The following MXI1 variants were observed in gnomAD, a reference collection of about 807,000 sequenced individuals.
The protein encoded by MXI1 is max-interacting protein 1.
A neutral mutation model predicts 36.9 loss-of-function variants in MXI1; 18 were observed. The ratio of observed to expected loss-of-function variants is 0.49; its 90% CI spans 0.34 to 0.72. The LOEUF (loss-of-function observed/expected upper bound fraction) is 0.72. MXI1 is among the 30% of genes least tolerant of loss of function. The pLI, the probability that MXI1 is intolerant of heterozygous loss-of-function variation, is 0.01. For synonymous variants in MXI1, 160 were observed against 146.7 expected (o/e 1.09, Z -0.65); for missense variants, 304 against 379.1 (o/e 0.80, Z 1.64).
chr10:110,248,620 C>T (rs905334923), intron 3 of MXI1, among the ~76,000 whole-genome samples: 7 of 152,092 alleles, frequency 4.6e-5, no homozygotes, highest in Non-Finnish European at 8.8e-5. Context: ...TCTTACCCTA[C>T]CTTACTTCAC....
chr10:110,208,168 G>T, intron 1 of MXI1, 86 bp downstream of exon 1: 3 of 1,387,572 alleles, frequency 2.2e-6, no homozygotes, highest in Non-Finnish European at 2.9e-6. Context: ...AGCTCGGCCC[G>T]TCCCCCCCCC....
At chr10:110,222,515 C>T (rs1302669455) in intron 1 of MXI1, among the ~76,000 whole-genome samples, 1 of 152,200 alleles carries the variant, frequency 6.6e-6, no homozygotes, top group Non-Finnish European at 1.5e-5. Context: ...GAATTGAGGG[C>T]TTTGCCTGCT....
chr10:110,210,348 C>G lies in MXI1; in HGVS notation c.274+2266C>G, dbSNP rs914057070. On this transcript the variant is annotated intron_variant, in intron 1 of 5. Coordinates refer to ENST00000332674, the MANE Select transcript of MXI1 (RefSeq NM_130439.3). ...ATAAGTCCCTCGGCCCCGCAGCCCC[C>G]CTCCTCCGGCCGGCTCCCGGCGGGA... 8 of 933,844 alleles carry G rather than the reference C, an allele frequency of 8.6e-6. No homozygotes were observed. The African/African-American group carries it at 1.4e-4, about 17-fold the overall frequency. 57.8% of individuals were successfully genotyped at this position (933,844 alleles called of 1,614,324 possible).
rs191835438 is a variant in MXI1, at chr10:110,233,404, T to A, written c.407+5083T>A. 3.9e-5 allele frequency among the ~76,000 whole-genome samples: 6 copies of A among 152,210 alleles called. No homozygotes were observed. The East Asian group carries it at 1.2e-3, about 29-fold the overall frequency. Reference sequence around the variant, plus strand: ...CCTAGGATAGTTTCAAAGGATTTTTTCCAGTAGTAATTTGAGATGCTTTAT... The same window carrying A: ...CCTAGGATAGTTTCAAAGGATTTTTACCAGTAGTAATTTGAGATGCTTTAT... On this transcript the variant is annotated intron_variant, in intron 2 of 5. Transcript: ENST00000332674.
rs181213540 is a variant in MXI1 at position 110,257,820 on chromosome 10, C to A, written c.437+12963C>A. 429 of 353,306 alleles carry A rather than the reference C, an allele frequency of 1.2e-3. 8 individuals carry two copies. Among genetic ancestry groups the A allele is most frequent in the Admixed American group, 0.012 (412 of 34,050 alleles). The allele number at this position is 353,306 out of a possible 1,614,324, so 21.9% of individuals were successfully genotyped here. On this transcript the variant is annotated intron_variant, in intron 3 of 5. Coordinates refer to ENST00000332674, the MANE Select transcript of MXI1 (RefSeq NM_130439.3). ...TGGAAAGATGCCTGAGCTGCTGGAA[C>A]CTATTCCCTGTGAATTCATGGCATA...
intron 1 of MXI1, among the ~76,000 whole-genome samples, chr10:110,215,952 C>T (rs114000182): frequency 0.012 from 1,874 of 152,318 alleles, 36 homozygotes; most frequent in African/African-American, 0.043. Flanking sequence ...CACCTGCTCT[C>T]TGGCTCTTCT....
intron 3 of MXI1, chr10:110,245,897 T>G (rs1855844128): frequency 6.6e-6 from 1 of 152,098 alleles, no homozygotes; most frequent in Non-Finnish European, 1.5e-5. Flanking sequence ...AATTGGTGAT[T>G]AGTTAGCTAT....
intron 2 of MXI1, among the ~76,000 whole-genome samples, chr10:110,239,571 A>G (rs1855593809): frequency 1.3e-5 from 2 of 152,244 alleles, no homozygotes; most frequent in Admixed American, 1.3e-4. Flanking sequence ...CTGATTTCTA[A>G]TTAAATTTCA....
At position 110,278,698 on chromosome 10, in the gene MXI1, T is replaced by TAG. The variant is rs1464643309; in HGVS notation, c.438-481_438-480dup. 2.5e-5 allele frequency among the ~76,000 whole-genome samples: 3 copies of TAG among 119,898 alleles called. No individual in the cohort carries two copies. The East Asian group carries it at 9.4e-4, about 38-fold the overall frequency. 78.7% of individuals were successfully genotyped at this position (119,898 alleles called of 152,430 possible). ...TAGGATGGCTACAGTTGTAGAGAGGTAGGGTGTGTGTGTGTGTGTGTGTGT... is the reference window on the plus strand; with the variant it reads ...TAGGATGGCTACAGTTGTAGAGAGGTAGAGGGTGTGTGTGTGTGTGTGTGTGT... On this transcript the variant is annotated intron_variant, in intron 3 of 5. Coordinates refer to ENST00000332674, the MANE Select transcript of MXI1 (RefSeq NM_130439.3).
Position 110,287,082 on chromosome 10 carries a change from G to C in MXI1, c.*2095G>C, listed in dbSNP as rs1158515600. 1 of 152,200 alleles carries C rather than the reference G, an allele frequency of 6.6e-6. No homozygotes were observed. The highest frequency in any genetic ancestry group is 1.5e-5 in the Non-Finnish European group (1 of 68,036). The allele number at this position is 152,200 out of a possible 1,614,324, so 9.4% of individuals were successfully genotyped here. On this transcript the variant is annotated 3_prime_UTR_variant, in exon 6 of 6. Coordinates refer to ENST00000332674, the MANE Select transcript of MXI1 (RefSeq NM_130439.3). ...GAATGAAGCCAGTGACTAAGCTTCT[G>C]TTTGTTTTGTTATTCTCATGGCCTT...
chr10:110,208,207 G>A (rs1590315579), intron 1 of MXI1, 125 bp downstream of exon 1: 1 of 1,028,512 alleles, frequency 9.7e-7, no homozygotes, highest in East Asian at 3.4e-5. Flanking sequence ...GCCCTTGGCA[G>A]TAAAGCCGAT....
intron 3 of MXI1, among the ~76,000 whole-genome samples, chr10:110,267,378 T>C (rs1308812879): frequency 6.6e-6 from 1 of 152,248 alleles, no homozygotes; most frequent in Non-Finnish European, 1.5e-5. Flanking sequence ...ACAGCCATCA[T>C]AGTTTTTTCT....
chr10:110,273,955 A>G (rs143788570), intron 3 of MXI1, among the ~76,000 whole-genome samples: 154 of 152,320 alleles, frequency 1.0e-3, no homozygotes, highest in African/African-American at 3.6e-3. Context: ...TAATCAAATG[A>G]TACTTGGAGT....
intron 3 of MXI1, among the ~76,000 whole-genome samples, chr10:110,259,958 T>G (rs1265896431): frequency 1.3e-5 from 2 of 152,110 alleles, no homozygotes; most frequent in Non-Finnish European, 2.9e-5. Context: ...ATAGTGCTTA[T>G]ACTCACATCT....
intron 3 of MXI1, among the ~76,000 whole-genome samples, chr10:110,254,713 T>TATAGAA (rs1856224138): frequency 6.6e-6 from 1 of 152,142 alleles, no homozygotes; most frequent in Non-Finnish European, 1.5e-5. Flanking sequence ...TAGTAGTCTG[T>TATAGAA]ATAGAAACCA....
Position 110,208,000 on chromosome 10 carries a change from G to A in MXI1, c.192G>A (p.Lys64=). The A allele has an allele frequency of 6.2e-7, 1 of 1,603,822 alleles. No individual in the cohort carries two copies. Among genetic ancestry groups the A allele is most frequent in the Non-Finnish European group, 8.5e-7 (1 of 1,175,402 alleles). Residue 64 remains lysine (K), a synonymous_variant, in exon 1 of 6, where the codon AAG becomes AAA. Transcript: ENST00000332674. Reference sequence around the variant, plus strand: ...ACACCAGCGAGAACTCGATGGAGAAGCACATCAACACTTTTCTGCAGAACG... The same window carrying A: ...ACACCAGCGAGAACTCGATGGAGAAACACATCAACACTTTTCTGCAGAACG... ...IFNTSENSME[K]HINTFLQNVQ...
At chr10:110,268,258 G>T (rs1856745836) in intron 3 of MXI1, among the ~76,000 whole-genome samples, 2 of 152,166 alleles carry the variant, frequency 1.3e-5, no homozygotes, top group South Asian at 2.1e-4. Context: ...TTGATGAAAT[G>T]AAAATAATAG....
chr10:110,208,104 C>T, intron 1 of MXI1, 22 bp downstream of exon 1: 2 of 1,566,272 alleles, frequency 1.3e-6, no homozygotes, highest in Non-Finnish European at 1.7e-6. Flanking sequence ...GGCCCCTGCT[C>T]TTCCTCGGCG....
chr10:110,286,964 AATT>A lies in MXI1; in HGVS notation c.*1979_*1981del, dbSNP rs1387534370. Reference sequence around the variant, plus strand: ...GTAAATTATTTCTGGTTTCACTTATAATTACTAATGGCTGAGTCAAGATGTTGT... The same window carrying A: ...GTAAATTATTTCTGGTTTCACTTATAACTAATGGCTGAGTCAAGATGTTGT... On this transcript the variant is annotated 3_prime_UTR_variant, in exon 6 of 6. Coordinates refer to ENST00000332674, the MANE Select transcript of MXI1 (RefSeq NM_130439.3). 6.6e-6 allele frequency: 1 copy of A among 152,210 alleles called. No homozygotes were observed. Among genetic ancestry groups the A allele is most frequent in the Non-Finnish European group, 1.5e-5 (1 of 68,026 alleles). The allele number at this position is 152,210 out of a possible 1,614,324, so 9.4% of individuals were successfully genotyped here.
Sources: allele counts gnomAD v4.1 joint callset (sites outside exome capture counted in the v4.1 genomes callset), GRCh38; gene constraint gnomAD v4.1.1; transcripts MANE v1.5; gene names NCBI Gene and HGNC (gene_info 2026-07-23, HGNC 2026-07-21).